Variants in PDE10A observed in about 807,000 individuals in gnomAD.
The protein encoded by PDE10A is phosphodiesterase 10A.
PDE10A carries 39 observed loss-of-function variants against 97.7 expected under a neutral mutation model. The ratio of observed to expected loss-of-function variants is 0.40; its 90% CI spans 0.31 to 0.52. The LOEUF (loss-of-function observed/expected upper bound fraction) is 0.52. Ranked by LOEUF, PDE10A falls within the 20% of genes least tolerant of loss-of-function variation. PDE10A has a pLI of 0.56. For missense variants in PDE10A, 731 were observed against 1,047.8 expected (o/e 0.70, Z 4.17); for synonymous variants, 371 against 376.8 (o/e 0.98, Z 0.18).
At chr6:165,767,740 C>A (rs147467531) in intron 1 of PDE10A, among the ~76,000 whole-genome samples, 3 of 152,144 alleles carry the variant, frequency 2.0e-5, no homozygotes, top group Non-Finnish European at 4.4e-5. Flanking sequence ...AATGCTGCTA[C>A]GAACATTCAA....
intron 1 of PDE10A, among the ~76,000 whole-genome samples, chr6:165,907,927 A>T (rs1041553962): frequency 1.3e-5 from 2 of 152,226 alleles, no homozygotes; most frequent in African/African-American, 4.8e-5. Flanking sequence ...CTAAACCAAC[A>T]AAAGAACTAA....
chr6:165,890,756 A>G (rs1297964291), intron 1 of PDE10A, among the ~76,000 whole-genome samples: 3 of 152,310 alleles, frequency 2.0e-5, no homozygotes, highest in African/African-American at 7.2e-5. Context: ...GTGGCCATAT[A>G]AGGCCATTAG....
intron 1 of PDE10A, among the ~76,000 whole-genome samples, chr6:165,943,314 G>GAAAA (rs1783637648): frequency 2.0e-4 from 15 of 73,280 alleles, no homozygotes; most frequent in African/African-American, 9.3e-4. Flanking sequence ...AAAGAAGGAA[G>GAAAA]GAAGGAAAGA....
chr6:165,911,467 G>A (rs1256105224), intron 1 of PDE10A, among the ~76,000 whole-genome samples: 3 of 152,148 alleles, frequency 2.0e-5, no homozygotes, highest in South Asian at 2.1e-4. Context: ...TATTGATGAG[G>A]AACTTGAATC....
intron 1 of PDE10A, among the ~76,000 whole-genome samples, chr6:165,741,596 G>T (rs554204505): frequency 6.6e-5 from 10 of 152,082 alleles, no homozygotes; most frequent in Non-Finnish European, 1.0e-4. Flanking sequence ...CTCCATGAAT[G>T]ATGTTTTTTA....
At chr6:165,858,265 C>T (rs182680389) in intron 1 of PDE10A, among the ~76,000 whole-genome samples, 14 of 152,298 alleles carry the variant, frequency 9.2e-5, no homozygotes, top group Non-Finnish European at 1.5e-4. Flanking sequence ...ACTGAAACTG[C>T]CCCCTCCAGC....
chr6:165,522,188 G>A (rs1782168363), intron 2 of PDE10A, among the ~76,000 whole-genome samples: 1 of 152,128 alleles, frequency 6.6e-6, no homozygotes. Flanking sequence ...TCCTGTGTAT[G>A]TGAATACAAA....
chr6:165,626,885 T>G (rs969356937), intron 1 of PDE10A, among the ~76,000 whole-genome samples: 35 of 152,192 alleles, frequency 2.3e-4, no homozygotes, highest in Admixed American at 5.9e-4. Context: ...TGGGTCCTTC[T>G]GGACCTAAGG....
intron 18 of PDE10A, among the ~76,000 whole-genome samples, chr6:165,346,426 T>C (rs484842): frequency 0.22 from 33,908 of 152,094 alleles, 4,073 homozygotes; most frequent in African/African-American, 0.28. Context: ...TTTCCCTCCT[T>C]TCTCCCCGAC....
At chr6:165,389,201 T>C (rs1785510515) in intron 16 of PDE10A, among the ~76,000 whole-genome samples, 1 of 144,602 alleles carries the variant, frequency 6.9e-6, no homozygotes. Context: ...TTCTCAGTGA[T>C]CTGGGGAACT....
chr6:165,485,874 G>A (rs956352946), intron 2 of PDE10A, among the ~76,000 whole-genome samples: 7 of 152,200 alleles, frequency 4.6e-5, no homozygotes, highest in Non-Finnish European at 8.8e-5. Flanking sequence ...GATTACAGGC[G>A]TGAGCTACCG....
rs554029904 is a variant in PDE10A, at chr6:165,921,652, C to T, written c.-615+65877G>A. ...TGAGGCAGTGATACCTGGAAAGAGG[C>T]TGTTCCAAGCAAAGGGAGATCTTGT... On this transcript the variant is annotated intron_variant, in intron 1 of 19. Coordinates refer to the PDE10A transcript ENST00000366882. Among the ~76,000 whole-genome samples the T allele has an allele frequency of 7.9e-5, 12 of 152,266 alleles. No individual in the cohort carries two copies. The South Asian group carries it at 2.5e-3, about 32-fold the overall frequency.
intron 17 of PDE10A, among the ~76,000 whole-genome samples, chr6:165,381,623 C>A (rs949132928): frequency 7.5e-5 from 11 of 146,512 alleles, no homozygotes; most frequent in Non-Finnish European, 1.2e-4. Context: ...CACCACCACA[C>A]CTGGCTAATT....
chr6:165,929,038 T>C (rs1212774751), intron 1 of PDE10A, among the ~76,000 whole-genome samples: 4 of 152,158 alleles, frequency 2.6e-5, no homozygotes, highest in African/African-American at 9.7e-5. Flanking sequence ...ATCAGCCTCT[T>C]GGAGCTTCTG....
At chr6:165,796,916 C>T (rs1778846555) in intron 1 of PDE10A, among the ~76,000 whole-genome samples, 2 of 152,176 alleles carry the variant, frequency 1.3e-5, no homozygotes, top group Admixed American at 1.3e-4. Context: ...TGTTTCTTTC[C>T]TCATGGTACC....
intron 1 of PDE10A, among the ~76,000 whole-genome samples, chr6:165,659,348 AAAG>A (rs1394282612): frequency 6.6e-6 from 1 of 152,208 alleles, no homozygotes; most frequent in Non-Finnish European, 1.5e-5. Context: ...TAAAATTTTT[AAAG>A]AATCTAGAAA....
chr6:165,608,149 A>G (rs1787313121), intron 1 of PDE10A, among the ~76,000 whole-genome samples: 1 of 150,780 alleles, frequency 6.6e-6, no homozygotes, highest in South Asian at 2.1e-4. Flanking sequence ...TCTAGGGTAC[A>G]TGTGCACAAC....
chr6:165,975,455 T>A (rs1784821257), intron 1 of PDE10A, among the ~76,000 whole-genome samples: 1 of 152,146 alleles, frequency 6.6e-6, no homozygotes, highest in Non-Finnish European at 1.5e-5. Context: ...AATTTTTTTT[T>A]AAAGGAGAAC....
chr6:165,876,689 C>T lies in PDE10A; in HGVS notation c.-615+110840G>A, dbSNP rs543803701. On this transcript the variant is annotated intron_variant, in intron 1 of 19. Coordinates refer to the PDE10A transcript ENST00000366882. ...TTCAGTGGTTAAAAACCTGCAGCCT[C>T]CCAGTTCTCTTTAAGAGTGGCTGCC... 5.4e-4 allele frequency among the ~76,000 whole-genome samples: 82 copies of T among 152,322 alleles called. 2 individuals are homozygous for T. The highest frequency in any genetic ancestry group is 1.8e-3 in the African/African-American group (74 of 41,578).
Sources: allele counts gnomAD v4.1 joint callset (sites outside exome capture counted in the v4.1 genomes callset), GRCh38; gene constraint gnomAD v4.1.1; transcripts MANE v1.5; gene names NCBI Gene and HGNC (gene_info 2026-07-23, HGNC 2026-07-21).